The following SUGCT variants were observed in gnomAD, a reference collection of about 807,000 sequenced individuals.
SUGCT encodes succinyl-CoA:glutarate-CoA transferase, also known as succinyl-CoA:glutarate CoA-transferase.
SUGCT carries 41 observed loss-of-function variants against 55.0 expected under a neutral mutation model. The observed-to-expected ratio is 0.74, with a 90% CI of 0.58 to 0.97. The LOEUF (loss-of-function observed/expected upper bound fraction) is 0.97. Ranked by LOEUF, SUGCT falls within the 50% of genes least tolerant of loss-of-function variation. The probability of loss-of-function intolerance (pLI) is 0.00; values close to 1 mark genes in which losing one functional copy is unlikely to be tolerated. For synonymous variants in SUGCT, 187 were observed against 200.4 expected (o/e 0.93, Z 0.56); for missense variants, 568 against 547.8 (o/e 1.04, Z -0.37).
intron 8 of SUGCT, among the ~76,000 whole-genome samples, chr7:40,288,554 T>A (rs1793504183): frequency 6.6e-6 from 1 of 152,078 alleles, no homozygotes; most frequent in South Asian, 2.1e-4. Flanking sequence ...TTTTCAAAAA[T>A]TTGATTTTGG....
chr7:40,671,657 CATAT>C (rs1343065466), intron 12 of SUGCT, among the ~76,000 whole-genome samples: 7 of 152,068 alleles, frequency 4.6e-5, no homozygotes, highest in Non-Finnish European at 1.0e-4. Context: ...CCTAACAAAA[CATAT>C]ATAGCACTTG....
At chr7:40,262,331 T>G (rs1008943986) in intron 7 of SUGCT, among the ~76,000 whole-genome samples, 1 of 152,034 alleles carries the variant, frequency 6.6e-6, no homozygotes, top group Non-Finnish European at 1.5e-5. Flanking sequence ...CATTAGATTG[T>G]TTGCAGTTCA....
chr7:40,193,665 C>G (rs1478798112), intron 5 of SUGCT, among the ~76,000 whole-genome samples: 1 of 151,354 alleles, frequency 6.6e-6, no homozygotes, highest in East Asian at 2.0e-4. Flanking sequence ...GTGGCATGAT[C>G]TCGGCTCACT....
chr7:40,921,806 G>A, the SUGCT span, among the ~76,000 whole-genome samples: 1 of 152,198 alleles, frequency 6.6e-6, no homozygotes, highest in Non-Finnish European at 1.5e-5. Flanking sequence ...GTGTGGGTGT[G>A]TGCATGTATG....
At chr7:40,762,593 T>C (rs17171781) in intron 13 of SUGCT, among the ~76,000 whole-genome samples, 2,050 of 152,274 alleles carry the variant, frequency 0.013, 145 homozygotes, top group East Asian at 0.092. Flanking sequence ...GATAAAGACT[T>C]GGAAAGGTAC....
At chr7:40,744,308 C>T (rs948174362) in intron 12 of SUGCT, among the ~76,000 whole-genome samples, 1 of 152,120 alleles carries the variant, frequency 6.6e-6, no homozygotes, top group South Asian at 2.1e-4. Flanking sequence ...TCAAATACTT[C>T]CAATTTTCAC....
chr7:40,903,441 A>G, the SUGCT span, among the ~76,000 whole-genome samples: 1 of 152,120 alleles, frequency 6.6e-6, no homozygotes. Context: ...GCTCAGTAAG[A>G]CCATAGCCTT....
chr7:40,692,503 TC>T, intron 12 of SUGCT, among the ~76,000 whole-genome samples: 1 of 152,190 alleles, frequency 6.6e-6, no homozygotes, highest in South Asian at 2.1e-4. Context: ...ATGCAAAGGG[TC>T]TCGTACTGTG....
intron 8 of SUGCT, among the ~76,000 whole-genome samples, chr7:40,289,217 TA>T (rs950954153): frequency 3.5e-4 from 51 of 146,106 alleles, no homozygotes; most frequent in African/African-American, 1.0e-3. Flanking sequence ...CTAATGAAAC[TA>T]AAAAAAAAAG....
At chr7:40,595,462 T>C (rs1203235232) in intron 12 of SUGCT, among the ~76,000 whole-genome samples, 2 of 152,182 alleles carry the variant, frequency 1.3e-5, no homozygotes, top group African/African-American at 2.4e-5. Flanking sequence ...GAGCATTTAA[T>C]TGACACGTTG....
At chr7:40,313,755 T>G (rs12701813) in intron 8 of SUGCT, among the ~76,000 whole-genome samples, 70 of 151,992 alleles carry the variant, frequency 4.6e-4, no homozygotes, top group Middle Eastern at 3.4e-3. Flanking sequence ...CTGTTTTTTT[T>G]TTTTGTTTTG....
intron 12 of SUGCT, among the ~76,000 whole-genome samples, chr7:40,655,482 A>T (rs1367324539): frequency 2.0e-5 from 3 of 152,172 alleles, no homozygotes; most frequent in Non-Finnish European, 2.9e-5. Flanking sequence ...TTCATAGGAA[A>T]GCAGAATTCT....
Position 40,315,889 on chromosome 7 carries a change from G to A in SUGCT, c.721-871G>A, listed in dbSNP as rs143274752. On this transcript the variant is annotated intron_variant, in intron 8 of 13. Transcript: ENST00000335693. ...CTCCTTTCCATAGTTCTGTGGTGGT[G>A]GAGCCATAAATATTCATTGGAACAT... Among the ~76,000 whole-genome samples the A allele has an allele frequency of 6.7e-3, 1,023 of 152,198 alleles. 4 individuals are homozygous for A. The highest frequency in any genetic ancestry group is 0.027 in the Middle Eastern group (8 of 294).
At chr7:40,974,779 G>A in the SUGCT span, among the ~76,000 whole-genome samples, 1 of 152,154 alleles carries the variant, frequency 6.6e-6, no homozygotes, top group Admixed American at 6.5e-5. Context: ...TCTTGGGAAA[G>A]CACAAATGCT....
At chr7:40,561,873 G>C (rs948081647) in intron 12 of SUGCT, among the ~76,000 whole-genome samples, 138 of 150,932 alleles carry the variant, frequency 9.1e-4, no homozygotes, top group African/African-American at 3.2e-3. Context: ...TGTATTTTTA[G>C]AAGAGACGGG....
chr7:40,932,231 G>A, the SUGCT span, among the ~76,000 whole-genome samples: 3 of 152,152 alleles, frequency 2.0e-5, no homozygotes, highest in African/African-American at 7.2e-5. Context: ...TAGTTGTGTC[G>A]TTTTGAGTGA....
intron 1 of SUGCT, among the ~76,000 whole-genome samples, chr7:40,169,431 C>T (rs996079974): frequency 2.0e-5 from 3 of 152,142 alleles, no homozygotes; most frequent in Non-Finnish European, 2.9e-5. Flanking sequence ...TCAAGCATAC[C>T]TGGGGCTCTG....
chr7:40,474,928 A>G (rs1400548132), intron 11 of SUGCT, among the ~76,000 whole-genome samples: 1 of 152,184 alleles, frequency 6.6e-6, no homozygotes, highest in Non-Finnish European at 1.5e-5. Flanking sequence ...CAAGCACTTG[A>G]TAAGTACTGC....
chr7:40,249,341 A>ATATATATATATATATG lies in SUGCT; in HGVS notation c.576+11621_576+11622insTATATATATGTATATA, dbSNP rs1192387768. The stretch of plus-strand genomic sequence containing the variant: ...TATATATATATATATATATATATAT[A>ATATATATATATATATG]TATATAATTATATTATATAGAATAT... On this transcript the variant is annotated intron_variant, in intron 7 of 13. Coordinates refer to ENST00000335693, the MANE Select transcript of SUGCT (RefSeq NM_001193313.2). Among the ~76,000 whole-genome samples the ATATATATATATATATG allele has an allele frequency of 3.1e-4, 41 of 131,592 alleles. 1 individual carries two copies. The highest frequency in any genetic ancestry group is 5.9e-4 in the Non-Finnish European group (37 of 63,012). The allele number at this position is 131,592 out of a possible 152,430, so 86.3% of individuals were successfully genotyped here.
Sources: allele counts gnomAD v4.1 joint callset (sites outside exome capture counted in the v4.1 genomes callset), GRCh38; gene constraint gnomAD v4.1.1; transcripts MANE v1.5; gene names NCBI Gene and HGNC (gene_info 2026-07-23, HGNC 2026-07-21).